The following DENND1B variants were observed in gnomAD, a reference collection of about 807,000 sequenced individuals.
DENND1B encodes DENN domain containing 1B.
Under a neutral mutation model 90.1 loss-of-function variants are expected in DENND1B, and 59 were observed. The ratio of observed to expected loss-of-function variants is 0.65; its 90% CI spans 0.53 to 0.81. DENND1B has a LOEUF of 0.81. Among genes scored for constraint, DENND1B ranks in the 40% least tolerant of loss-of-function variants. The pLI is 0.00. For synonymous variants in DENND1B, 337 were observed against 324.6 expected (o/e 1.04, Z -0.41); for missense variants, 862 against 912.6 (o/e 0.94, Z 0.71).
chr1:197,617,816 G>T (rs1318306381), intron 10 of DENND1B, 57 bp from the exon 11 acceptor site: 3 of 1,205,944 alleles, frequency 2.5e-6, no homozygotes, highest in African/African-American at 3.0e-5. Context: ...CAAACAAAAA[G>T]CAATGTTCAA....
chr1:197,771,210 C>A (rs1281591865), intron 2 of DENND1B, among the ~76,000 whole-genome samples: 1 of 152,106 alleles, frequency 6.6e-6, no homozygotes, highest in Non-Finnish European at 1.5e-5. Context: ...CCGTGCCACG[C>A]CTTTACAAGC....
At chr1:197,611,090 GA>G (rs2125847117) in intron 12 of DENND1B, among the ~76,000 whole-genome samples, 1 of 150,882 alleles carries the variant, frequency 6.6e-6, no homozygotes. Flanking sequence ...GTGATGGCAA[GA>G]GGAAAACCAA....
At chr1:197,727,555 AAAAAG>A (rs1408817171) in intron 2 of DENND1B, among the ~76,000 whole-genome samples, 2 of 151,950 alleles carry the variant, frequency 1.3e-5, no homozygotes, top group African/African-American at 4.8e-5. Context: ...AAAGAAAAAG[AAAAAG>A]AAAACATATA....
chr1:197,581,049 T>C (rs1013508104), intron 15 of DENND1B, among the ~76,000 whole-genome samples: 2 of 152,218 alleles, frequency 1.3e-5, no homozygotes, highest in African/African-American at 2.4e-5. Flanking sequence ...TTCTAAGAGA[T>C]AACCTGAATA....
intron 2 of DENND1B, among the ~76,000 whole-genome samples, chr1:197,761,058 T>G (rs576370164): frequency 2.1e-3 from 315 of 152,312 alleles, no homozygotes; most frequent in Non-Finnish European, 3.7e-3. Context: ...ATAATCTTGA[T>G]GAAATTGTGC....
chr1:197,666,416 T>A (rs913001314), intron 5 of DENND1B, among the ~76,000 whole-genome samples: 11 of 152,270 alleles, frequency 7.2e-5, no homozygotes, highest in African/African-American at 2.2e-4. Flanking sequence ...GTGACAATTA[T>A]GTGTTCACAA....
chr1:197,546,740 G>C lies in DENND1B; in HGVS notation c.1274C>G (p.Thr425Arg). 1.3e-6 allele frequency: 2 copies of C among 1,546,114 alleles called. No homozygotes were observed. The highest frequency in any genetic ancestry group is 8.7e-7 in the Non-Finnish European group (1 of 1,145,682). ...NPRSYQQWVH[T>R]VKKGGALFNT... ...TTGAAAGCTTATGATTACCTTGACT[G>C]TATGCACCCATTGTTGATATGACCT... Residue 425 changes from threonine to arginine, a missense_variant, in exon 17 of 23, where the codon ACA becomes AGA. Physicochemically the swap from Thr to Arg is moderately conservative, Grantham distance 71. Coordinates refer to ENST00000620048, the MANE Select transcript of DENND1B (RefSeq NM_001195215.2).
chr1:197,583,718 T>A (rs1434362621), intron 14 of DENND1B, among the ~76,000 whole-genome samples: 2 of 152,200 alleles, frequency 1.3e-5, no homozygotes, highest in Non-Finnish European at 2.9e-5. Context: ...CTTCTCTTCA[T>A]GATTGCAAAA....
chr1:197,647,445 C>A (rs1680823374), intron 7 of DENND1B, among the ~76,000 whole-genome samples: 1 of 152,060 alleles, frequency 6.6e-6, no homozygotes, highest in South Asian at 2.1e-4. Context: ...TGTACAGGAA[C>A]AAAAACTTAC....
chr1:197,690,855 C>T (rs931016604), intron 3 of DENND1B, among the ~76,000 whole-genome samples: 1 of 129,070 alleles, frequency 7.7e-6, no homozygotes, highest in African/African-American at 2.8e-5. Flanking sequence ...AAAATAATTA[C>T]TTCTTAATGG....
At chr1:197,574,549 T>C (rs887496235) in intron 15 of DENND1B, among the ~76,000 whole-genome samples, 4 of 152,146 alleles carry the variant, frequency 2.6e-5, no homozygotes, top group Non-Finnish European at 5.9e-5. Context: ...GCCATCCCCA[T>C]GAAGCTACCA....
At chr1:197,572,748 G>C (rs1673287255) in intron 15 of DENND1B, among the ~76,000 whole-genome samples, 1 of 152,172 alleles carries the variant, frequency 6.6e-6, no homozygotes, top group Admixed American at 6.5e-5. Flanking sequence ...CTGTTCTGCA[G>C]CCTCCACTGT....
At chr1:197,555,765 AT>A (rs1558235872) in intron 15 of DENND1B, among the ~76,000 whole-genome samples, 1 of 152,128 alleles carries the variant, frequency 6.6e-6, no homozygotes, top group Non-Finnish European at 1.5e-5. Context: ...GAGAGTGCAA[AT>A]TAGTTCAGGC....
chr1:197,754,895 C>G (rs1654081004), intron 2 of DENND1B, among the ~76,000 whole-genome samples: 2 of 152,024 alleles, frequency 1.3e-5, no homozygotes, highest in Non-Finnish European at 2.9e-5. Context: ...ATTTTAGTCT[C>G]TTCATGTTAT....
intron 10 of DENND1B, among the ~76,000 whole-genome samples, chr1:197,633,952 T>C (rs1679557925): frequency 6.6e-6 from 1 of 152,144 alleles, no homozygotes; most frequent in African/African-American, 2.4e-5. Flanking sequence ...GTACCTCTCA[T>C]ATGGCTTTCC....
chr1:197,741,620 T>A (rs1663221513), intron 2 of DENND1B, among the ~76,000 whole-genome samples: 1 of 152,152 alleles, frequency 6.6e-6, no homozygotes, highest in African/African-American at 2.4e-5. Flanking sequence ...TACTATTTAA[T>A]AAAACTTCTA....
At chr1:197,685,037 G>T (rs1213851696) in intron 3 of DENND1B, among the ~76,000 whole-genome samples, 3 of 152,110 alleles carry the variant, frequency 2.0e-5, no homozygotes, top group Non-Finnish European at 4.4e-5. Context: ...AGAATCGCTT[G>T]AACCCAGGGG....
At position 197,510,632 on chromosome 1, in the gene DENND1B, A is replaced by C. The variant is rs748788909; in HGVS notation, c.2156T>G (p.Leu719Arg). Residue 719 changes from leucine (L) to arginine (R), a missense_variant, in exon 23 of 23, where the codon CTT becomes CGT. Physicochemically the swap from Leu to Arg is moderately radical, Grantham distance 102. Coordinates refer to ENST00000620048, the MANE Select transcript of DENND1B (RefSeq NM_001195215.2). ...QISDDLLIPG[L>R]GRHSSTFVPW... Reference sequence around the variant, plus strand: ...AACAAAAGTCGATGAATGCCGCCCAAGACCGGGTATAAGCAGATCATCTGA... The same window carrying C: ...AACAAAAGTCGATGAATGCCGCCCACGACCGGGTATAAGCAGATCATCTGA... 4.3e-6 allele frequency: 7 copies of C among 1,612,868 alleles called. No homozygotes were observed. Among genetic ancestry groups the C allele is most frequent in the East Asian group, 2.2e-5 (1 of 44,836 alleles).
chr1:197,759,061 C>T (rs1445412752), intron 2 of DENND1B, among the ~76,000 whole-genome samples: 1 of 141,324 alleles, frequency 7.1e-6, no homozygotes, highest in South Asian at 2.3e-4. Context: ...CATCCACCTT[C>T]TAGGTTCAAG....
Sources: gnomAD v4.1 joint callset for allele counts (sites outside exome capture counted in the v4.1 genomes callset) on GRCh38, gnomAD v4.1.1 for gene constraint, MANE v1.5 for transcripts, NCBI Gene and HGNC (gene_info 2026-07-23, HGNC 2026-07-21) for gene names.